Variants in JMJD1C observed in about 807,000 individuals in gnomAD.
The protein encoded by JMJD1C is jumonji domain containing 1C.
In JMJD1C, 31 loss-of-function variants were observed where a neutral mutation model predicts 245.3. The ratio of observed to expected loss-of-function variants is 0.13; its 90% CI spans 0.09 to 0.17. JMJD1C has a LOEUF of 0.17. JMJD1C is among the 10% of genes least tolerant of loss of function. The pLI is 1.00. For missense variants in JMJD1C, 2,691 were observed against 3,000.2 expected (o/e 0.90, Z 2.41); for synonymous variants, 1,057 against 1,017.4 (o/e 1.04, Z -0.74).
chr10:63,420,118 AGAG>A (rs756430025), intron 1 of JMJD1C, among the ~76,000 whole-genome samples: 10 of 151,102 alleles, frequency 6.6e-5, no homozygotes, highest in Non-Finnish European at 1.0e-4. Context: ...CCTGGGCAAC[AGAG>A]GAGACGCTGT....
At chr10:63,212,550 C>T (rs1009603578) in intron 8 of JMJD1C, among the ~76,000 whole-genome samples, 3 of 151,934 alleles carry the variant, frequency 2.0e-5, no homozygotes, top group African/African-American at 4.8e-5. Context: ...AGCCTTATAC[C>T]GCTACCTTTA....
At chr10:63,315,181 C>T (rs947993859) in intron 2 of JMJD1C, among the ~76,000 whole-genome samples, 1 of 152,072 alleles carries the variant, frequency 6.6e-6, no homozygotes, top group Non-Finnish European at 1.5e-5. Context: ...CTGGGTATAA[C>T]TATGTTGCTG....
chr10:63,415,671 C>A (rs373249798), intron 1 of JMJD1C, among the ~76,000 whole-genome samples: 1 of 152,082 alleles, frequency 6.6e-6, no homozygotes, highest in Admixed American at 6.6e-5. Flanking sequence ...AAACCTAAGA[C>A]ATACAAAACA....
At chr10:63,463,931 A>T (rs1212270030) in intron 1 of JMJD1C, among the ~76,000 whole-genome samples, 3 of 152,156 alleles carry the variant, frequency 2.0e-5, no homozygotes, top group Admixed American at 2.0e-4. Context: ...TTAACTCTTT[A>T]ATCACTTAAA....
At chr10:63,291,931 T>G (rs1203668737) in intron 2 of JMJD1C, among the ~76,000 whole-genome samples, 1 of 151,996 alleles carries the variant, frequency 6.6e-6, no homozygotes, top group Admixed American at 6.6e-5. Flanking sequence ...GAAATGTGTG[T>G]GTGCATGTCT....
intron 3 of JMJD1C, among the ~76,000 whole-genome samples, chr10:63,258,851 AAAC>A (rs1854325814): frequency 6.6e-6 from 1 of 152,222 alleles, no homozygotes; most frequent in Non-Finnish European, 1.5e-5. Context: ...AAAAATCATT[AAAC>A]AACTAGCAGG....
chr10:63,449,655 C>T (rs926643151), intron 1 of JMJD1C, among the ~76,000 whole-genome samples: 2 of 151,748 alleles, frequency 1.3e-5, no homozygotes, highest in Non-Finnish European at 2.9e-5. Flanking sequence ...TAAGAATAAG[C>T]CTAACAAACA....
At chr10:63,243,806 C>T (rs1018190137) in intron 3 of JMJD1C, among the ~76,000 whole-genome samples, 1 of 152,078 alleles carries the variant, frequency 6.6e-6, no homozygotes, top group East Asian at 1.9e-4. Flanking sequence ...AGTCCTGGGG[C>T]CACAGAGAAG....
intron 2 of JMJD1C, among the ~76,000 whole-genome samples, chr10:63,365,608 A>G (rs1255569148): frequency 3.3e-5 from 5 of 152,020 alleles, no homozygotes; most frequent in Non-Finnish European, 7.4e-5. Flanking sequence ...ACTAGAGGAG[A>G]AAAAAAAGTA....
At chr10:63,381,500 G>A (rs1040305268) in intron 1 of JMJD1C, among the ~76,000 whole-genome samples, 6 of 152,122 alleles carry the variant, frequency 3.9e-5, no homozygotes, top group African/African-American at 1.4e-4. Context: ...CCACTGCACT[G>A]CAGCCCAGGT....
chr10:63,222,329 G>A (rs1034067911), intron 3 of JMJD1C: 1 of 1,333,192 alleles, frequency 7.5e-7, no homozygotes, highest in Non-Finnish European at 1.1e-6. Context: ...AGACAGTAAA[G>A]ATGCACTGCA....
intron 1 of JMJD1C, among the ~76,000 whole-genome samples, chr10:63,434,727 CA>C (rs200000948): frequency 3.4e-5 from 5 of 147,568 alleles, no homozygotes; most frequent in Admixed American, 6.7e-5. Flanking sequence ...GAAAAACAAA[CA>C]AAAAAAAAAG....
chr10:63,301,396 AG>A (rs1184108073), intron 2 of JMJD1C, among the ~76,000 whole-genome samples: 2 of 152,346 alleles, frequency 1.3e-5, no homozygotes, highest in South Asian at 2.1e-4. Context: ...CTTTTACTCT[AG>A]GAAGTACACC....
At chr10:63,259,684 G>C (rs1307132348) in intron 3 of JMJD1C, among the ~76,000 whole-genome samples, 1 of 152,188 alleles carries the variant, frequency 6.6e-6, no homozygotes, top group Non-Finnish European at 1.5e-5. Flanking sequence ...ACTAGACAAT[G>C]TGTGAGTCTT....
chr10:63,209,240 T>TAAAAA lies in JMJD1C; in HGVS notation c.2695-6_2695-5insTTTTT. On this transcript the variant is annotated splice_region_variant and splice_polypyrimidine_tract_variant and intron_variant, in intron 8 of 25. Coordinates refer to ENST00000399262, the MANE Select transcript of JMJD1C (RefSeq NM_032776.3). ...TAGCCAAGGACTGGGAGAATTCTATTAACAAAACAAAACAAAAAAAACACC... is the reference window on the plus strand; with the variant it reads ...TAGCCAAGGACTGGGAGAATTCTATTAAAAAAACAAAACAAAACAAAAAAAACACC... 1 of 1,588,554 alleles carries TAAAAA rather than the reference T, an allele frequency of 6.3e-7. No individual in the cohort carries two copies. The highest frequency in any genetic ancestry group is 8.5e-7 in the Non-Finnish European group (1 of 1,169,764).
intron 1 of JMJD1C, among the ~76,000 whole-genome samples, chr10:63,442,191 G>C (rs1432041263): frequency 6.6e-6 from 1 of 152,170 alleles, no homozygotes; most frequent in Non-Finnish European, 1.5e-5. Context: ...ACAGGGTAAA[G>C]AGTATAGTGA....
Position 63,380,417 on chromosome 10 carries a change from A to G in JMJD1C, c.234T>C (p.Phe78=), listed in dbSNP as rs1947121550. Residue 78 remains phenylalanine (F), a synonymous_variant, in exon 2 of 26, where the codon TTT becomes TTC. Coordinates refer to ENST00000399262, the MANE Select transcript of JMJD1C (RefSeq NM_032776.3). ...KREWVKVYED[F]STFLVEYHLI... is the part of the protein sequence containing the mutation. ...AGTGGTATTCCACCAAGAAAGTTGAAAAATCTTCATAAACTTTAACCCACT... is the reference window on the plus strand; with the variant it reads ...AGTGGTATTCCACCAAGAAAGTTGAGAAATCTTCATAAACTTTAACCCACT... 1 of 1,614,042 alleles carries G rather than the reference A, an allele frequency of 6.2e-7. No homozygotes were observed. The highest frequency in any genetic ancestry group is 8.5e-7 in the Non-Finnish European group (1 of 1,179,912).
intron 2 of JMJD1C, among the ~76,000 whole-genome samples, chr10:63,354,894 G>T (rs957308610): frequency 6.6e-6 from 1 of 150,828 alleles, no homozygotes. Flanking sequence ...ATGGTGGTGT[G>T]CACCTGTGGT....
At chr10:63,472,941 C>T (rs1220932862) in intron 1 of JMJD1C, among the ~76,000 whole-genome samples, 2 of 152,116 alleles carry the variant, frequency 1.3e-5, no homozygotes, top group Admixed American at 6.5e-5. Context: ...AGCGCCACCA[C>T]GCCCAGCTAA....
Sources: allele counts gnomAD v4.1 joint callset (sites outside exome capture counted in the v4.1 genomes callset), GRCh38; gene constraint gnomAD v4.1.1; transcripts MANE v1.5; gene names NCBI Gene and HGNC (gene_info 2026-07-23, HGNC 2026-07-21).